The following GSTZ1 variants were observed in gnomAD, a reference collection of about 807,000 sequenced individuals.
GSTZ1 encodes glutathione S-transferase zeta 1, also known as maleylacetoacetate isomerase.
A neutral mutation model predicts 35.9 loss-of-function variants in GSTZ1; 34 were observed. The ratio of observed to expected loss-of-function variants is 0.95; its 90% CI spans 0.72 to 1.26. The LOEUF (loss-of-function observed/expected upper bound fraction) is 1.26, where lower values mean the gene tolerates loss of function less well. GSTZ1 is among the 50% of genes most tolerant of loss of function. The probability of loss-of-function intolerance (pLI) is 0.00; values close to 1 mark genes in which losing one functional copy is unlikely to be tolerated. For missense variants in GSTZ1, 263 were observed against 271.7 expected (o/e 0.97, Z 0.23); for synonymous variants, 93 against 101.2 (o/e 0.92, Z 0.49).
chr14:77,327,446 A>C, intron 3 of GSTZ1, 26 bp from the exon 4 acceptor site: 1 of 1,541,982 alleles, frequency 6.5e-7, no homozygotes, highest in Admixed American at 1.8e-5. Context: ...CAGGCCACCC[A>C]GCCCACCAGG....
chr14:77,324,657 G>A, intron 1 of GSTZ1: 1 of 1,452,370 alleles, frequency 6.9e-7, no homozygotes, highest in Admixed American at 2.0e-5. Flanking sequence ...CTGCCCCTTT[G>A]GGGGCCTCTT....
rs1490171372 is a variant in GSTZ1, at chr14:77,321,118, C to T, written c.-51C>T. Reference sequence around the variant, plus strand: ...CACTGAGCCTTAGTCGTCGGCAGGTCCCAGGCGCGAAGTTTCTCGGCCTGG... The same window carrying T: ...CACTGAGCCTTAGTCGTCGGCAGGTTCCAGGCGCGAAGTTTCTCGGCCTGG... On this transcript the variant is annotated 5_prime_UTR_variant, in exon 1 of 9. Coordinates refer to ENST00000216465, the MANE Select transcript of GSTZ1 (RefSeq NM_145870.3). The T allele has an allele frequency of 3.5e-6, 5 of 1,441,454 alleles. No individual in the cohort carries two copies. The Admixed American group carries it at 1.1e-4, about 33-fold the overall frequency. 89.3% of individuals were successfully genotyped at this position (1,441,454 alleles called of 1,614,324 possible). A position where few individuals can be genotyped will look rare whatever the true frequency, so the allele number is the denominator to read the frequency against.
chr14:77,330,290 C>T lies in GSTZ1; in HGVS notation c.475-20C>T, dbSNP rs1892554297. ...TCTGGGGTATGCACCCTGATGGGAA[C>T]CCACCGGGACCTCTTTCAGGTGACC... On this transcript the variant is annotated intron_variant, in intron 7 of 8. Coordinates refer to ENST00000216465, the MANE Select transcript of GSTZ1 (RefSeq NM_145870.3). 1.2e-6 allele frequency: 2 copies of T among 1,602,604 alleles called. No homozygotes were observed. Among genetic ancestry groups the T allele is most frequent in the South Asian group, 2.2e-5 (2 of 90,872 alleles).
Position 77,329,790 on chromosome 14 carries a change from T to C in GSTZ1, c.457T>C (p.Tyr153His). The C allele has an allele frequency of 6.2e-7, 1 of 1,613,732 alleles. No homozygotes were observed. The highest frequency in any genetic ancestry group is 8.5e-7 in the Non-Finnish European group (1 of 1,179,632). ...EQILQSTAGIYCVGDEVTMAD... is the reference protein window; with the variant it reads ...EQILQSTAGIHCVGDEVTMAD... ...GATCCTACAGAGCACAGCGGGCATATACTGTGTAGGAGACGAGGTAAGCTG... is the reference window on the plus strand; with the variant it reads ...GATCCTACAGAGCACAGCGGGCATACACTGTGTAGGAGACGAGGTAAGCTG... The change falls in exon 7 of 9, where the codon TAC becomes CAC. Residue 153 changes from tyrosine (Y) to histidine (H), a missense_variant. Transcript: ENST00000216465.
chr14:77,326,636 A>C (rs1892327659), intron 2 of GSTZ1: 2 of 552,784 alleles, frequency 3.6e-6, no homozygotes, highest in Non-Finnish European at 6.5e-6. Flanking sequence ...AGTGAGGCAG[A>C]GCATCGTGCA....
chr14:77,324,693 A>C (rs1410234830), intron 1 of GSTZ1, 177 bp from the exon 2 acceptor site: 2 of 1,271,392 alleles, frequency 1.6e-6, no homozygotes, highest in African/African-American at 2.9e-5. Flanking sequence ...AAACCAGCAT[A>C]ATTTTGGAGC....
chr14:77,327,636 A>T, intron 4 of GSTZ1, 84 bp downstream of exon 4: 1 of 939,436 alleles, frequency 1.1e-6, no homozygotes, highest in African/African-American at 1.6e-5. Flanking sequence ...GCCTGTGTAC[A>T]GTCAAGGTGC....
rs768718016 is a variant in GSTZ1 at position 77,321,147 on chromosome 14, AG to A, written c.-17del. 2.1e-6 allele frequency: 3 copies of A among 1,452,878 alleles called. No individual in the cohort carries two copies. The highest frequency in any genetic ancestry group is 2.7e-5 in the Admixed American group (1 of 37,214). 90.0% of individuals were successfully genotyped at this position (1,452,878 alleles called of 1,614,324 possible). A position where few individuals can be genotyped will look rare whatever the true frequency, so the allele number is the denominator to read the frequency against. ...GGCGCGAAGTTTCTCGGCCTGGAGG[AG>A]GGGGTCGCGCGAAGTGCCAGATGCA... On this transcript the variant is annotated 5_prime_UTR_variant, in exon 1 of 9. Transcript: ENST00000216465.
At chr14:77,324,358 G>A in intron 1 of GSTZ1, 1 of 545,256 alleles carries the variant, frequency 1.8e-6, no homozygotes, top group Non-Finnish European at 3.3e-6. Flanking sequence ...TGTTGGCCAG[G>A]CTGGTCTCAA....
intron 5 of GSTZ1, 56 bp downstream of exon 5, chr14:77,328,093 C>T: frequency 6.3e-7 from 1 of 1,587,568 alleles, no homozygotes; most frequent in South Asian, 1.1e-5. Context: ...TACACTCACA[C>T]ATTGGCTGTG....
Position 77,325,154 on chromosome 14 carries a change from C to T in GSTZ1, c.67+233C>T. ...GTTGTTTTTTCCCTTGGGACTGACA[C>T]TTCTCCCAACACTGCTCTCCAAAGC... On this transcript the variant is annotated intron_variant, in intron 2 of 8. Transcript: ENST00000216465. 3 of 548,706 alleles carry T rather than the reference C, an allele frequency of 5.5e-6. No homozygotes were observed. In the East Asian group the frequency reaches 9.5e-5, roughly 17 times the overall value. 34.0% of individuals were successfully genotyped at this position (548,706 alleles called of 1,614,324 possible). A position where few individuals can be genotyped will look rare whatever the true frequency, so the allele number is the denominator to read the frequency against.
rs765201322 is a variant in GSTZ1, at chr14:77,328,014, G to A, written c.319G>A (p.Ala107Thr). 2.1e-5 allele frequency: 34 copies of A among 1,613,900 alleles called. No homozygotes were observed. Among genetic ancestry groups the A allele is most frequent in the Admixed American group, 8.3e-5 (5 of 59,992 alleles). The change falls in exon 5 of 9, where the codon GCT (alanine) becomes ACT (threonine). Residue 107 changes from alanine (A) to threonine (T), a missense_variant. Coordinates refer to ENST00000216465, the MANE Select transcript of GSTZ1 (RefSeq NM_145870.3). ...ASVRMISDLI[A>T]GGIQPLQNLS... is the part of the protein sequence containing the mutation. ...CGTGCGTATGATTTCTGACCTCATC[G>A]CTGGTGGCATCCAGCCCCTGCAGGT...
Position 77,331,538 on chromosome 14 carries a change from G to T in GSTZ1, c.*343G>T. On this transcript the variant is annotated 3_prime_UTR_variant, in exon 9 of 9. Transcript: ENST00000216465. ...TTTCTCATCCGCTTTTGTTGTGTGT[G>T]ACTCCAAAGAATGCCCGCGCTGAAA... 4.5e-6 allele frequency: 1 copy of T among 220,898 alleles called. No homozygotes were observed. Among genetic ancestry groups the T allele is most frequent in the Non-Finnish European group, 9.0e-6 (1 of 110,820 alleles). The allele number at this position is 220,898 out of a possible 1,614,324, so 13.7% of individuals were successfully genotyped here.
At position 77,321,191 on chromosome 14, in the gene GSTZ1, A is replaced by G; in HGVS notation, c.15+8A>G. On this transcript the variant is annotated splice_region_variant and intron_variant, in intron 1 of 8. Coordinates refer to ENST00000216465, the MANE Select transcript of GSTZ1 (RefSeq NM_145870.3). ...CAGATGCAGGCGGGGAAGGTCTGTG[A>G]CGCGCACCCGGGTGGAGGGAAGCTG... The G allele has an allele frequency of 3.4e-6, 5 of 1,481,996 alleles. No homozygotes were observed. Among genetic ancestry groups the G allele is most frequent in the South Asian group, 1.3e-5 (1 of 75,618 alleles). 91.8% of individuals were successfully genotyped at this position (1,481,996 alleles called of 1,614,324 possible).
Position 77,327,040 on chromosome 14 carries a change from G to A in GSTZ1, c.135+135G>A. ...GGACTATCACTGCAGGAGGCTGCTG[G>A]CTCTCCCTTGTGGGACAAGGTGGCA... On this transcript the variant is annotated intron_variant, in intron 3 of 8. Coordinates refer to ENST00000216465, the MANE Select transcript of GSTZ1 (RefSeq NM_145870.3). The A allele has an allele frequency of 4.4e-6, 3 of 685,798 alleles. No homozygotes were observed. The South Asian group carries it at 5.2e-5, about 12-fold the overall frequency. The allele number at this position is 685,798 out of a possible 1,614,324, so 42.5% of individuals were successfully genotyped here.
At chr14:77,327,060 G>A (rs1892356404) in intron 3 of GSTZ1, 155 bp downstream of exon 3, 1 of 643,092 alleles carries the variant, frequency 1.6e-6, no homozygotes, top group Non-Finnish European at 2.8e-6. Flanking sequence ...GTGGGACAAG[G>A]TGGCAAGGTG....
At chr14:77,329,359 C>T in intron 6 of GSTZ1, 158 bp downstream of exon 6, 1 of 644,938 alleles carries the variant, frequency 1.6e-6, no homozygotes, top group Non-Finnish European at 2.8e-6. Flanking sequence ...GCTGGGTGGG[C>T]ATCCAGACCT....
chr14:77,321,377 C>A (rs1367755683), intron 1 of GSTZ1, 194 bp downstream of exon 1: 1 of 1,530,256 alleles, frequency 6.5e-7, no homozygotes, highest in East Asian at 2.5e-5. Flanking sequence ...GAGGGTTGGG[C>A]CAGAGGAGGC....
At chr14:77,326,580 C>G in intron 2 of GSTZ1, 1 of 452,834 alleles carries the variant, frequency 2.2e-6, no homozygotes, top group Non-Finnish European at 4.1e-6. Context: ...CATGAGGGCC[C>G]CATTGGGGGG....
Sources: allele counts gnomAD v4.1 joint callset, GRCh38; gene constraint gnomAD v4.1.1; transcripts MANE v1.5; gene names NCBI Gene and HGNC (gene_info 2026-07-23, HGNC 2026-07-21).